TMEM156: variants seen among roughly 807,000 people sequenced by gnomAD.
TMEM156 encodes the protein transmembrane protein 156.
TMEM156 carries 28 observed loss-of-function variants against 30.5 expected under a neutral mutation model. The ratio of observed to expected loss-of-function variants is 0.92; its 90% CI spans 0.68 to 1.26. TMEM156 has a LOEUF of 1.26. Among genes scored for constraint, TMEM156 ranks in the 50% most tolerant of loss-of-function variants. The pLI, the probability that TMEM156 is intolerant of heterozygous loss-of-function variation, is 0.00. For missense variants in TMEM156, 351 were observed against 340.6 expected (o/e 1.03, Z -0.24); for synonymous variants, 137 against 119.9 (o/e 1.14, Z -0.93).
chr4:38,993,169 C>T (rs560553305), intron 3 of TMEM156, among the ~76,000 whole-genome samples: 2 of 151,996 alleles, frequency 1.3e-5, no homozygotes, highest in African/African-American at 2.4e-5. Context: ...GTGGCTCATA[C>T]CTGTAATACC....
At chr4:39,013,502 C>T (rs1049426668) in intron 1 of TMEM156, among the ~76,000 whole-genome samples, 8 of 151,602 alleles carry the variant, frequency 5.3e-5, no homozygotes, top group African/African-American at 1.9e-4. Context: ...TGGATTCAAG[C>T]GATTTCCCCT....
intron 1 of TMEM156, among the ~76,000 whole-genome samples, chr4:39,020,034 T>C (rs903427678): frequency 2.0e-5 from 3 of 152,226 alleles, no homozygotes; most frequent in African/African-American, 7.2e-5. Flanking sequence ...TACGACTCCA[T>C]ATATAGTGAG....
intron 1 of TMEM156, among the ~76,000 whole-genome samples, chr4:39,031,540 A>G (rs1715501868): frequency 6.6e-6 from 1 of 152,198 alleles, no homozygotes; most frequent in Non-Finnish European, 1.5e-5. Flanking sequence ...TTTTTAACAC[A>G]ATAAATATCA....
chr4:38,977,908 C>T lies in TMEM156; in HGVS notation c.824-6771G>A, dbSNP rs760711410. ...TCCCTGACCATGCCCAGGCAGCCCT[C>T]GGATGCTTCTTCTTTTTCTTCTTTT... On this transcript the variant is annotated intron_variant, in intron 5 of 6. Transcript: ENST00000381938. Among the ~76,000 whole-genome samples the T allele has an allele frequency of 2.1e-4, 32 of 152,332 alleles. 1 individual carries two copies. Among genetic ancestry groups the T allele is most frequent in the South Asian group, 1.4e-3 (7 of 4,828 alleles).
chr4:39,010,865 T>C (rs1714064421), intron 1 of TMEM156, among the ~76,000 whole-genome samples: 1 of 152,180 alleles, frequency 6.6e-6, no homozygotes, highest in Admixed American at 6.5e-5. Context: ...AAAGAAATTA[T>C]GAATAAGTCC....
rs986193973 is a variant in TMEM156, at chr4:38,993,901, C to A, written c.456G>T (p.Leu152Phe). The change falls in exon 3 of 7, where the codon TTG becomes TTT. Residue 152 changes from leucine to phenylalanine, a missense_variant. Physicochemically the swap from Leu to Phe is conservative, Grantham distance 22. Transcript: ENST00000381938. The stretch of plus-strand genomic sequence containing the variant: ...GATGACAGGTAGTGTTATATTCCTC[C>A]AAGTGGTCAACCAGAGGAGCTACAC... ...NFSVAPLVDH[L>F]EEYNTTCHLK... 1.9e-6 allele frequency: 3 copies of A among 1,613,874 alleles called. No individual in the cohort carries two copies. The African/African-American group carries it at 4.0e-5, about 22-fold the overall frequency.
At chr4:39,031,404 A>T (rs952611131) in intron 1 of TMEM156, among the ~76,000 whole-genome samples, 1 of 152,216 alleles carries the variant, frequency 6.6e-6, no homozygotes. Context: ...ACATACACAT[A>T]CATCTGTTTA....
In TMEM156 at chr4:38,967,389, C is replaced by T. The variant is rs753930467; in HGVS notation, c.*291G>A. The T allele has an allele frequency of 6.6e-6, 1 of 152,050 alleles. No homozygotes were observed. Among genetic ancestry groups the T allele is most frequent in the African/African-American group, 2.4e-5 (1 of 41,396 alleles). 9.4% of individuals were successfully genotyped at this position (152,050 alleles called of 1,614,324 possible). A position where few individuals can be genotyped will look rare whatever the true frequency, so the allele number is the denominator to read the frequency against. ...TTTAAGAAGAGAGAGAGTGGGAATT[C>T]TCTTGCTGTTTCCATGGGTTTCATC... On this transcript the variant is annotated 3_prime_UTR_variant, in exon 7 of 7. Coordinates refer to ENST00000381938, the MANE Select transcript of TMEM156 (RefSeq NM_024943.3).
chr4:39,013,780 G>A (rs1358135945), intron 1 of TMEM156, among the ~76,000 whole-genome samples: 1 of 152,064 alleles, frequency 6.6e-6, no homozygotes, highest in African/African-American at 2.4e-5. Context: ...AAAATTAAGA[G>A]GATATATCTG....
At chr4:38,987,912 A>G (rs1480570271) in intron 4 of TMEM156, among the ~76,000 whole-genome samples, 3 of 152,184 alleles carry the variant, frequency 2.0e-5, no homozygotes, top group African/African-American at 7.2e-5. Flanking sequence ...AGCTACTCAT[A>G]TTATGAATTG....
At chr4:39,005,938 C>CT (rs879763585) in intron 1 of TMEM156, among the ~76,000 whole-genome samples, 12 of 152,140 alleles carry the variant, frequency 7.9e-5, no homozygotes, top group Non-Finnish European at 1.5e-4. Context: ...ACTCTGTTGC[C>CT]AGGCTGGAGT....
rs967513283 is a variant in TMEM156, at chr4:38,966,904, T to A, written c.*776A>T. 2.7e-5 allele frequency: 4 copies of A among 149,922 alleles called. No homozygotes were observed. Among genetic ancestry groups the A allele is most frequent in the Non-Finnish European group, 4.4e-5 (3 of 67,890 alleles). 9.3% of individuals were successfully genotyped at this position (149,922 alleles called of 1,614,324 possible). ...GCAAACTCTGCCTGCCAGGTTCAAG[T>A]GATTCTCCTGCCTCAGCCTCCTGAG... On this transcript the variant is annotated 3_prime_UTR_variant, in exon 7 of 7. Transcript: ENST00000381938.
intron 1 of TMEM156, chr4:39,028,428 T>A: frequency 6.6e-6 from 1 of 152,248 alleles, no homozygotes; most frequent in East Asian, 1.9e-4. Flanking sequence ...ACAAGGAACG[T>A]CCTCCCAAAG....
In TMEM156 at chr4:39,013,215, G is replaced by A. The variant is rs183155255; in HGVS notation, c.89-14306C>T. 4.0e-5 allele frequency among the ~76,000 whole-genome samples: 6 copies of A among 151,118 alleles called. No individual in the cohort carries two copies. The East Asian group carries it at 1.2e-3, about 29-fold the overall frequency. On this transcript the variant is annotated intron_variant, in intron 1 of 6. Coordinates refer to ENST00000381938, the MANE Select transcript of TMEM156 (RefSeq NM_024943.3). ...ACTCGGGAAACTGAGGTGGGAGGAT[G>A]GTTTGAGCCTGCGAGGCAGAGGCTG...
chr4:39,018,376 A>G (rs992287269), intron 1 of TMEM156, among the ~76,000 whole-genome samples: 1 of 152,136 alleles, frequency 6.6e-6, no homozygotes, highest in Non-Finnish European at 1.5e-5. Flanking sequence ...TATGCATCTA[A>G]TATTTTCAGG....
chr4:38,996,774 G>A (rs767767854), intron 2 of TMEM156, among the ~76,000 whole-genome samples: 10 of 152,140 alleles, frequency 6.6e-5, no homozygotes, highest in African/African-American at 1.7e-4. Flanking sequence ...ACTGAAATCA[G>A]CATCCCGAAG....
chr4:38,998,520 G>T, intron 2 of TMEM156, 120 bp downstream of exon 2: 1 of 931,790 alleles, frequency 1.1e-6, no homozygotes, highest in Non-Finnish European at 1.4e-6. Context: ...CTCTAGCCTG[G>T]GCAACAGAGC....
At chr4:38,994,975 T>G (rs1712828717) in intron 2 of TMEM156, among the ~76,000 whole-genome samples, 1 of 151,812 alleles carries the variant, frequency 6.6e-6, no homozygotes, top group Admixed American at 6.6e-5. Context: ...TGTCTCACAG[T>G]TCTAAAGCTA....
At chr4:39,021,876 T>C (rs768004232) in intron 1 of TMEM156, among the ~76,000 whole-genome samples, 4 of 152,254 alleles carry the variant, frequency 2.6e-5, no homozygotes, top group Non-Finnish European at 4.4e-5. Context: ...TAATATTTTC[T>C]GTACTGAAAC....
Sources: allele counts gnomAD v4.1 joint callset (sites outside exome capture counted in the v4.1 genomes callset), GRCh38; gene constraint gnomAD v4.1.1; transcripts MANE v1.5; gene names NCBI Gene and HGNC (gene_info 2026-07-23, HGNC 2026-07-21).